Variants in LLGL2 observed in about 807,000 individuals in gnomAD.
LLGL2 encodes the protein LLGL2, scribble cell polarity complex component.
LLGL2 carries 81 observed loss-of-function variants against 123.2 expected under a neutral mutation model. The observed-to-expected ratio is 0.66, with a 90% CI of 0.55 to 0.79. The LOEUF (loss-of-function observed/expected upper bound fraction) is 0.79. Among genes scored for constraint, LLGL2 ranks in the 30% least tolerant of loss-of-function variants. LLGL2 has a pLI of 0.00. For missense variants in LLGL2, 1,273 were observed against 1,414.6 expected (o/e 0.90, Z 1.61); for synonymous variants, 577 against 594.1 (o/e 0.97, Z 0.42).
At position 75,549,366 on chromosome 17, in the gene LLGL2, A is replaced by G. The variant is rs557153688; in HGVS notation, c.75+5865A>G. ...CTCGGCCAAACCCAGGCACACCCCA[A>G]GCAGCCACACCCATCAGGGCAAACA... On this transcript the variant is annotated intron_variant, in intron 2 of 25. Transcript: ENST00000392550. The surrounding 1 kb of genome is among the most constrained non-coding windows in gnomAD (Gnocchi z 4.0). Among the ~76,000 whole-genome samples the G allele has an allele frequency of 2.8e-4, 43 of 152,296 alleles. No individual in the cohort carries two copies. The highest frequency in any genetic ancestry group is 1.0e-3 in the African/African-American group (42 of 41,556).
At chr17:75,567,460 G>A (rs2055491336) in intron 10 of LLGL2, among the ~76,000 whole-genome samples, 2 of 150,334 alleles carry the variant, frequency 1.3e-5, no homozygotes, top group South Asian at 4.2e-4. Context: ...GCGAAACTCC[G>A]TCTCAAAAAA....
rs546659991 is a variant in LLGL2 at position 75,549,599 on chromosome 17, G to A, written c.75+6098G>A. 1.1e-3 allele frequency among the ~76,000 whole-genome samples: 170 copies of A among 152,360 alleles called. No homozygotes were observed. The highest frequency in any genetic ancestry group is 3.4e-3 in the Middle Eastern group (1 of 294). On this transcript the variant is annotated intron_variant, in intron 2 of 25. Transcript: ENST00000392550. The surrounding 1 kb of genome is among the most constrained non-coding windows in gnomAD (Gnocchi z 4.0). ...GCAGCCACACAGGGAGGGCCAGGCT[G>A]CCGCCACTGCCAGGAATCTGAGCTG... is the stretch of plus-strand genomic sequence containing the variant.
At chr17:75,573,656 T>TACCCCCCCCCCCCCCCC in intron 21 of LLGL2, 25 bp downstream of exon 21, 1 of 1,429,154 alleles carries the variant, frequency 7.0e-7, no homozygotes. Flanking sequence ...CAGAGGCCTC[T>TACCCCCCCCCCCCCCCC]CCCGCCCCTC....
intron 6 of LLGL2, among the ~76,000 whole-genome samples, chr17:75,560,411 C>T (rs114498260): frequency 0.018 from 2,686 of 146,740 alleles, 80 homozygotes; most frequent in African/African-American, 0.065. Flanking sequence ...AGTTAGCTGG[C>T]GGGAATCTAG....
intron 1 of LLGL2, among the ~76,000 whole-genome samples, chr17:75,537,590 T>A (rs1325273750): frequency 6.6e-6 from 1 of 151,804 alleles, no homozygotes; most frequent in Non-Finnish European, 1.5e-5. Flanking sequence ...TCCAGCTACT[T>A]GGGAGGCTGA....
chr17:75,559,353 TG>T lies in LLGL2; in HGVS notation c.474del (p.Pro159GlnfsTer47). On this transcript the variant is annotated frameshift_variant, in exon 6 of 26. Coordinates refer to ENST00000392550, the MANE Select transcript of LLGL2 (RefSeq NM_001031803.2). LOFTEE classifies it high-confidence loss of function. This position sits in a 1 kb window ranked among gnomAD's most constrained non-coding sequence, Gnocchi z 4.6. ...TESGNVFVVQ[L>X]PAFRALEDRT... ...AGTGGCAACGTGTTTGTGGTGCAGC[TG>T]CCAGCTTTTCGTGCGCTGGAGGACC... The T allele has an allele frequency of 6.2e-7, 1 of 1,613,556 alleles. No individual in the cohort carries two copies. The highest frequency in any genetic ancestry group is 8.5e-7 in the Non-Finnish European group (1 of 1,179,956).
intron 2 of LLGL2, among the ~76,000 whole-genome samples, chr17:75,551,715 G>A (rs1014062347): frequency 2.0e-5 from 3 of 152,202 alleles, no homozygotes; most frequent in Admixed American, 6.5e-5. Context: ...GTGGCCTGAC[G>A]TTCCTGCTGG....
intron 2 of LLGL2, 79 bp downstream of exon 2, chr17:75,543,580 CTGGA>C: frequency 5.9e-6 from 7 of 1,179,544 alleles, no homozygotes; most frequent in Non-Finnish European, 7.3e-6. Context: ...CACCTCTTAC[CTGGA>C]TTAAGGTATA....
rs1333195312 is a variant in LLGL2 at position 75,525,735 on chromosome 17, G to C, written c.-121G>C. On this transcript the variant is annotated 5_prime_UTR_variant, in exon 1 of 26. Coordinates refer to ENST00000392550, the MANE Select transcript of LLGL2 (RefSeq NM_001031803.2). The surrounding 1 kb of genome is among the most constrained non-coding windows in gnomAD (Gnocchi z 4.8). ...GCAGGAAGGAGACGGCCGCCCAGCA[G>C]CCCGTGGGCAGGCGCGGCGGAGCGA... The C allele has an allele frequency of 1.3e-5, 2 of 150,792 alleles. No individual in the cohort carries two copies. The highest frequency in any genetic ancestry group is 3.0e-5 in the Non-Finnish European group (2 of 67,550). 9.3% of individuals were successfully genotyped at this position (150,792 alleles called of 1,614,324 possible). A position where few individuals can be genotyped will look rare whatever the true frequency, so the allele number is the denominator to read the frequency against.
At chr17:75,574,330 G>A in intron 23 of LLGL2, 70 bp downstream of exon 23, 3 of 1,525,730 alleles carry the variant, frequency 2.0e-6, no homozygotes, top group Middle Eastern at 2.3e-4. Flanking sequence ...AAGGGAGGCT[G>A]GGCAGGCCAC....
chr17:75,562,880 C>A, intron 6 of LLGL2, 136 bp from the exon 7 acceptor site: 1 of 1,150,004 alleles, frequency 8.7e-7, no homozygotes, highest in Non-Finnish European at 1.2e-6. Context: ...ATCCACTGCG[C>A]CCAGCCCCTA....
chr17:75,543,352 C>T (rs2054290574), intron 1 of LLGL2, 45 bp from the exon 2 acceptor site: 3 of 1,399,144 alleles, frequency 2.1e-6, no homozygotes, highest in African/African-American at 1.4e-5. Context: ...CTAATCGATA[C>T]CTGAGTGCCA....
intron 14 of LLGL2, 22 bp from the exon 15 acceptor site, chr17:75,569,941 A>G (rs1568071840): frequency 1.3e-6 from 2 of 1,558,382 alleles, no homozygotes; most frequent in Non-Finnish European, 1.7e-6. Flanking sequence ...GGGCTTGCTG[A>G]GCCACCTGCC....
intron 20 of LLGL2, 68 bp downstream of exon 20, chr17:75,573,346 G>C: frequency 2.6e-6 from 4 of 1,555,910 alleles, no homozygotes; most frequent in African/African-American, 1.3e-5. Context: ...GTGGCCAGGG[G>C]TGTTGTGGCC....
chr17:75,531,672 C>T (rs900750926), intron 1 of LLGL2, among the ~76,000 whole-genome samples: 1 of 152,210 alleles, frequency 6.6e-6, no homozygotes. Flanking sequence ...CGTCCCCCAG[C>T]GGGGCCACCA....
At chr17:75,560,290 C>T (rs1164601685) in intron 6 of LLGL2, among the ~76,000 whole-genome samples, 1 of 152,196 alleles carries the variant, frequency 6.6e-6, no homozygotes, top group African/African-American at 2.4e-5. Context: ...AAGGTCAGAG[C>T]AGAACACTTT....
Position 75,564,739 on chromosome 17 carries a change from C to A in LLGL2, c.1036+232C>A. 1.8e-6 allele frequency: 1 copy of A among 567,468 alleles called. No homozygotes were observed. Among genetic ancestry groups the A allele is most frequent in the Non-Finnish European group, 2.9e-6 (1 of 345,672 alleles). 35.2% of individuals were successfully genotyped at this position (567,468 alleles called of 1,614,324 possible). A position where few individuals can be genotyped will look rare whatever the true frequency, so the allele number is the denominator to read the frequency against. On this transcript the variant is annotated intron_variant, in intron 10 of 25. Coordinates refer to ENST00000392550, the MANE Select transcript of LLGL2 (RefSeq NM_001031803.2). This position sits in a 1 kb window ranked among gnomAD's most constrained non-coding sequence, Gnocchi z 4.9. ...ATTAGCCAGGTGTTGTGGCACGTAC[C>A]TGTAGTCCTAGCTACTCAGGAGGCT... is the stretch of plus-strand genomic sequence containing the variant.
At chr17:75,568,365 A>G in intron 10 of LLGL2, 111 bp from the exon 11 acceptor site, 1 of 1,467,896 alleles carries the variant, frequency 6.8e-7, no homozygotes, top group South Asian at 1.4e-5. Flanking sequence ...AGCCAAGAAC[A>G]GGGCTTTCTG....
chr17:75,575,110 T>A lies in LLGL2; in HGVS notation c.*232T>A. Reference sequence around the variant, plus strand: ...CCTTTGGTCAATGTTGCACAGTTTTTATTGCTCCCATCCCTTTTTGTAGTG... The same window carrying A: ...CCTTTGGTCAATGTTGCACAGTTTTAATTGCTCCCATCCCTTTTTGTAGTG... On this transcript the variant is annotated 3_prime_UTR_variant, in exon 26 of 26. Coordinates refer to ENST00000392550, the MANE Select transcript of LLGL2 (RefSeq NM_001031803.2). The A allele has an allele frequency of 1.7e-6, 1 of 605,348 alleles. No homozygotes were observed. The highest frequency in any genetic ancestry group is 2.9e-5 in the Admixed American group (1 of 34,672). 37.5% of individuals were successfully genotyped at this position (605,348 alleles called of 1,614,324 possible). A position where few individuals can be genotyped will look rare whatever the true frequency, so the allele number is the denominator to read the frequency against.
Sources: gnomAD v4.1 joint callset for allele counts (sites outside exome capture counted in the v4.1 genomes callset) on GRCh38, gnomAD v4.1.1 for gene constraint, Gnocchi (gnomAD v3.1) non-coding constraint, MANE v1.5 for transcripts, NCBI Gene and HGNC (gene_info 2026-07-23, HGNC 2026-07-21) for gene names.